RSRC1: variants seen among roughly 807,000 people sequenced by gnomAD.
RSRC1 encodes the protein serine/Arginine-related protein 53.
In RSRC1, 39 loss-of-function variants were observed where a neutral mutation model predicts 49.1. The observed-to-expected ratio is 0.79, with a 90% confidence interval of 0.61 to 1.04. RSRC1 has a LOEUF of 1.04. Among genes scored for constraint, RSRC1 ranks in the 50% least tolerant of loss-of-function variants. RSRC1 has a pLI of 0.00. For synonymous variants in RSRC1, 143 were observed against 130.8 expected (o/e 1.09, Z -0.63); for missense variants, 388 against 402.4 (o/e 0.96, Z 0.31).
At chr3:158,205,724 A>G (rs1298890531) in intron 4 of RSRC1, among the ~76,000 whole-genome samples, 3 of 152,102 alleles carry the variant, frequency 2.0e-5, no homozygotes, top group Non-Finnish European at 4.4e-5. Flanking sequence ...AAAGGGCTAG[A>G]TTAGGGGTAT....
At chr3:158,411,164 A>G (rs990700789) in intron 6 of RSRC1, among the ~76,000 whole-genome samples, 7 of 152,142 alleles carry the variant, frequency 4.6e-5, no homozygotes, top group Admixed American at 3.9e-4. Context: ...TTTTATGAAC[A>G]TATTACAAAC....
chr3:158,357,616 G>A (rs1731227388), intron 6 of RSRC1, among the ~76,000 whole-genome samples: 1 of 152,062 alleles, frequency 6.6e-6, no homozygotes, highest in Non-Finnish European at 1.5e-5. Flanking sequence ...TCTTTTTGGT[G>A]ATGAATTTTA....
chr3:158,491,254 G>T (rs1401938625), intron 7 of RSRC1, among the ~76,000 whole-genome samples: 2 of 152,132 alleles, frequency 1.3e-5, no homozygotes, highest in Non-Finnish European at 2.9e-5. Context: ...AAACCTCTTT[G>T]CCCATTTAAG....
intron 1 of RSRC1, among the ~76,000 whole-genome samples, chr3:158,120,761 T>G (rs968237918): frequency 6.7e-6 from 1 of 149,514 alleles, no homozygotes; most frequent in Admixed American, 6.7e-5. Context: ...CATAATACTT[T>G]GTTTATAGTG....
intron 4 of RSRC1, among the ~76,000 whole-genome samples, chr3:158,220,548 A>G (rs1455127173): frequency 6.6e-6 from 1 of 151,574 alleles, no homozygotes; most frequent in Non-Finnish European, 1.5e-5. Context: ...TTATATGCCA[A>G]CACCCAGGGT....
intron 6 of RSRC1, among the ~76,000 whole-genome samples, chr3:158,392,478 A>G (rs1733367766): frequency 6.6e-6 from 1 of 152,120 alleles, no homozygotes; most frequent in South Asian, 2.1e-4. Flanking sequence ...CATTTTAGCT[A>G]TGATACAGTT....
At chr3:158,315,870 A>G (rs1728399362) in intron 5 of RSRC1, among the ~76,000 whole-genome samples, 1 of 152,110 alleles carries the variant, frequency 6.6e-6, no homozygotes, top group African/African-American at 2.4e-5. Flanking sequence ...TTAATAATGC[A>G]ACCGAAAATG....
At chr3:158,194,273 CAAAT>C (rs1026276534) in intron 3 of RSRC1, among the ~76,000 whole-genome samples, 28 of 139,584 alleles carry the variant, frequency 2.0e-4, no homozygotes, top group Non-Finnish European at 1.8e-4. Flanking sequence ...GACCCTATCT[CAAAT>C]AAATAAATAA....
chr3:158,413,174 A>G (rs1212231122), intron 6 of RSRC1, among the ~76,000 whole-genome samples: 4 of 152,188 alleles, frequency 2.6e-5, no homozygotes, highest in African/African-American at 9.7e-5. Context: ...TAGAGATCTC[A>G]GAAATAAGAT....
chr3:158,332,515 C>T (rs962093656), intron 5 of RSRC1, among the ~76,000 whole-genome samples: 1 of 152,062 alleles, frequency 6.6e-6, no homozygotes, highest in Non-Finnish European at 1.5e-5. Flanking sequence ...ATATTTCTTG[C>T]AAAACTTAAA....
chr3:158,433,532 A>T (rs1735888255), intron 6 of RSRC1, among the ~76,000 whole-genome samples: 1 of 151,970 alleles, frequency 6.6e-6, no homozygotes, highest in African/African-American at 2.4e-5. Flanking sequence ...TACTGCTCTC[A>T]AACTCCAGCC....
chr3:158,327,690 G>A (rs1345699407), intron 5 of RSRC1, among the ~76,000 whole-genome samples: 1 of 152,148 alleles, frequency 6.6e-6, no homozygotes, highest in East Asian at 1.9e-4. Context: ...GTGTGGTGCT[G>A]AAAAGAATGT....
At chr3:158,185,449 G>T (rs988087494) in intron 3 of RSRC1, among the ~76,000 whole-genome samples, 2 of 151,676 alleles carry the variant, frequency 1.3e-5, no homozygotes, top group African/African-American at 4.8e-5. Context: ...AAAGCATTTT[G>T]CCCTCAAAAA....
intron 2 of RSRC1, among the ~76,000 whole-genome samples, chr3:158,122,988 A>C (rs1172332980): frequency 6.6e-6 from 1 of 152,120 alleles, no homozygotes; most frequent in Admixed American, 6.5e-5. Flanking sequence ...ATTGATGGAC[A>C]TTTGAGTTGG....
intron 6 of RSRC1, among the ~76,000 whole-genome samples, chr3:158,358,403 A>G (rs74421361): frequency 0.013 from 1,911 of 152,168 alleles, 33 homozygotes; most frequent in African/African-American, 0.03. Flanking sequence ...GGCTTATTCC[A>G]TTACCTCCTA....
chr3:158,497,256 CT>C (rs1007868170), intron 7 of RSRC1, among the ~76,000 whole-genome samples: 13 of 138,050 alleles, frequency 9.4e-5, no homozygotes, highest in Non-Finnish European at 3.1e-5. Context: ...AGTGTACCTA[CT>C]TTTTTTTCCA....
chr3:158,457,641 C>G (rs1018760763), intron 6 of RSRC1, among the ~76,000 whole-genome samples: 9 of 151,788 alleles, frequency 5.9e-5, no homozygotes, highest in Non-Finnish European at 1.2e-4. Context: ...CCCAAAAAGG[C>G]TGACAAATAA....
chr3:158,351,280 C>T (rs763664053), intron 5 of RSRC1, among the ~76,000 whole-genome samples: 1 of 152,120 alleles, frequency 6.6e-6, no homozygotes, highest in African/African-American at 2.4e-5. Flanking sequence ...AGGAAAAAGA[C>T]GACAGCCCAA....
chr3:158,418,590 T>A (rs542013864), intron 6 of RSRC1, among the ~76,000 whole-genome samples: 1 of 151,980 alleles, frequency 6.6e-6, no homozygotes, highest in East Asian at 2.0e-4. Flanking sequence ...CCTAATGAGG[T>A]TCGCTCCTAG....
Sources: allele counts gnomAD v4.1 joint callset (sites outside exome capture counted in the v4.1 genomes callset), GRCh38; gene constraint gnomAD v4.1.1; transcripts MANE v1.5; gene names NCBI Gene and HGNC (gene_info 2026-07-23, HGNC 2026-07-21).